NR3C2: variants seen among roughly 807,000 people sequenced by gnomAD.
The protein encoded by NR3C2 is nuclear receptor subfamily 3 group C member 2.
Under a neutral mutation model 86.4 loss-of-function variants are expected in NR3C2, and 15 were observed. The ratio of observed to expected loss-of-function variants is 0.17; its 90% CI spans 0.12 to 0.27. NR3C2 has a LOEUF of 0.27. Ranked by LOEUF, NR3C2 falls within the 10% of genes least tolerant of loss-of-function variation. NR3C2 has a pLI of 1.00. For synonymous variants in NR3C2, 458 were observed against 450.5 expected, an observed-to-expected ratio of 1.02 and a Z score of -0.21; for missense variants, 960 against 1,195.6, an observed-to-expected ratio of 0.80 and a Z score of 2.91.
At chr4:148,176,440 T>C (rs990100900) in intron 4 of NR3C2, among the ~76,000 whole-genome samples, 1 of 152,164 alleles carries the variant, frequency 6.6e-6, no homozygotes, top group Non-Finnish European at 1.5e-5. Flanking sequence ...ATGGGACAGA[T>C]GTACAAAGGG....
chr4:148,359,547 T>A (rs1745737418), intron 2 of NR3C2, among the ~76,000 whole-genome samples: 1 of 152,198 alleles, frequency 6.6e-6, no homozygotes, highest in Non-Finnish European at 1.5e-5. Context: ...ATTTTATATG[T>A]GCCAAAATAA....
chr4:148,374,532 G>C (rs538749895), intron 2 of NR3C2, among the ~76,000 whole-genome samples: 3 of 152,206 alleles, frequency 2.0e-5, no homozygotes, highest in Admixed American at 1.3e-4. Flanking sequence ...AGGTGAAACT[G>C]TACATGAAAA....
At chr4:148,387,721 T>C (rs1390622626) in intron 2 of NR3C2, among the ~76,000 whole-genome samples, 2 of 152,194 alleles carry the variant, frequency 1.3e-5, no homozygotes, top group Non-Finnish European at 2.9e-5. Context: ...TGAGAAAAGA[T>C]GTGGCAAATT....
chr4:148,401,955 T>G (rs1173834929), intron 2 of NR3C2, among the ~76,000 whole-genome samples: 1 of 152,166 alleles, frequency 6.6e-6, no homozygotes, highest in African/African-American at 2.4e-5. Flanking sequence ...ATTAAGCCAC[T>G]GTAAGGTCTC....
intron 2 of NR3C2, among the ~76,000 whole-genome samples, chr4:148,321,870 C>T (rs1050814161): frequency 6.6e-6 from 1 of 152,110 alleles, no homozygotes; most frequent in Non-Finnish European, 1.5e-5. Context: ...AGCATTTAGT[C>T]CATTTACATT....
At chr4:148,334,330 G>A (rs1271056719) in intron 2 of NR3C2, among the ~76,000 whole-genome samples, 7 of 152,198 alleles carry the variant, frequency 4.6e-5, no homozygotes, top group Admixed American at 2.0e-4. Context: ...ATCACCTGAC[G>A]TCGGGAGTTC....
chr4:148,162,337 C>T lies in NR3C2; in HGVS notation c.2015-7436G>A, dbSNP rs140430489. ...GACAGATGGTGAGCATGATTACTTT[C>T]ATGGCATTTGTATTTTCTGTAGCTA... On this transcript the variant is annotated intron_variant, in intron 4 of 8. Coordinates refer to ENST00000358102, the MANE Select transcript of NR3C2 (RefSeq NM_000901.5). Among the ~76,000 whole-genome samples the T allele has an allele frequency of 5.6e-4, 86 of 152,290 alleles. 1 individual carries two copies. The highest frequency in any genetic ancestry group is 3.4e-3 in the Middle Eastern group (1 of 294).
intron 3 of NR3C2, among the ~76,000 whole-genome samples, chr4:148,229,728 G>A (rs1260320447): frequency 6.6e-6 from 1 of 152,132 alleles, no homozygotes; most frequent in African/African-American, 2.4e-5. Flanking sequence ...GTCACCAAAT[G>A]TCACCTCTGG....
At chr4:148,264,199 C>T (rs1236984230) in intron 2 of NR3C2, among the ~76,000 whole-genome samples, 2 of 152,146 alleles carry the variant, frequency 1.3e-5, no homozygotes, top group Non-Finnish European at 2.9e-5. Context: ...CAAACATATG[C>T]ATTATTAACA....
At chr4:148,350,176 GAAAGA>G (rs1165272486) in intron 2 of NR3C2, among the ~76,000 whole-genome samples, 1 of 152,180 alleles carries the variant, frequency 6.6e-6, no homozygotes, top group Non-Finnish European at 1.5e-5. Flanking sequence ...TTGAGGTTGA[GAAAGA>G]TTAATTGCCC....
Position 148,141,946 on chromosome 4 carries a change from G to A in NR3C2, c.2510+10523C>T, listed in dbSNP as rs1026464145. ...CCTGATGCCCAAAAGGTTGGGGACC[G>A]CTGCTATAGAGTGTATGAGGGGAAA... On this transcript the variant is annotated intron_variant, in intron 6 of 8. Transcript: ENST00000358102. Among the ~76,000 whole-genome samples, 6 of 152,130 alleles carry A rather than the reference G, an allele frequency of 3.9e-5. No homozygotes were observed. The South Asian group carries it at 6.2e-4, about 16-fold the overall frequency.
intron 2 of NR3C2, among the ~76,000 whole-genome samples, chr4:148,405,975 C>G (rs1283320815): frequency 6.6e-6 from 1 of 152,090 alleles, no homozygotes; most frequent in Non-Finnish European, 1.5e-5. Context: ...ATGACTCTGT[C>G]TCTGCAAAGG....
intron 3 of NR3C2, among the ~76,000 whole-genome samples, chr4:148,250,935 C>T (rs1561001127): frequency 6.6e-6 from 1 of 151,986 alleles, no homozygotes. Context: ...GTCTCCATCA[C>T]CTTTTTCTTT....
intron 3 of NR3C2, among the ~76,000 whole-genome samples, chr4:148,234,498 C>T (rs529173408): frequency 2.0e-5 from 3 of 151,920 alleles, no homozygotes; most frequent in South Asian, 2.1e-4. Flanking sequence ...GGTGAAACCC[C>T]GTATTTGTAT....
chr4:148,365,353 T>C (rs1746058909), intron 2 of NR3C2, among the ~76,000 whole-genome samples: 1 of 152,290 alleles, frequency 6.6e-6, no homozygotes, highest in East Asian at 1.9e-4. Context: ...TTTTGGAGCA[T>C]TTCAGATTTC....
intron 8 of NR3C2, among the ~76,000 whole-genome samples, chr4:148,097,160 A>G (rs6840127): frequency 0.31 from 47,099 of 152,028 alleles, 10,948 homozygotes; most frequent in African/African-American, 0.66. Context: ...TATGGGCATA[A>G]GGCTAGGTAA....
intron 4 of NR3C2, among the ~76,000 whole-genome samples, chr4:148,161,195 A>T (rs1734643073): frequency 6.6e-6 from 1 of 152,220 alleles, no homozygotes; most frequent in African/African-American, 2.4e-5. Context: ...GTTGTTTTTT[A>T]AAAAGTGTCT....
chr4:148,247,967 C>T (rs1351084163), intron 3 of NR3C2, among the ~76,000 whole-genome samples: 1 of 151,968 alleles, frequency 6.6e-6, no homozygotes, highest in African/African-American at 2.4e-5. Context: ...CAAAGGTCAG[C>T]TATTTCAATA....
chr4:148,161,917 C>T (rs527644561), intron 4 of NR3C2, among the ~76,000 whole-genome samples: 1 of 152,292 alleles, frequency 6.6e-6, no homozygotes, highest in African/African-American at 2.4e-5. Context: ...GAGAGAAAGA[C>T]AATGGCAGAG....
Sources: gnomAD v4.1 joint callset for allele counts (sites outside exome capture counted in the v4.1 genomes callset) on GRCh38, gnomAD v4.1.1 for gene constraint, MANE v1.5 for transcripts, NCBI Gene and HGNC (gene_info 2026-07-23, HGNC 2026-07-21) for gene names.